CNIH2: variants seen among roughly 807,000 people sequenced by gnomAD.
The protein encoded by CNIH2 is cornichon family AMPA receptor auxiliary protein 2.
In CNIH2, 8 loss-of-function variants were observed where a neutral mutation model predicts 22.9. The ratio of observed to expected loss-of-function variants is 0.35; its 90% CI spans 0.20 to 0.63. The LOEUF is 0.63. Ranked by LOEUF, CNIH2 falls within the 30% of genes least tolerant of loss-of-function variation. The probability of loss-of-function intolerance (pLI) is 0.72; values close to 1 mark genes in which losing one functional copy is unlikely to be tolerated. For synonymous variants in CNIH2, 74 were observed against 78.2 expected, an observed-to-expected ratio of 0.95 and a Z score of 0.28; for missense variants, 105 against 206.2, an observed-to-expected ratio of 0.51 and a Z score of 3.01.
chr11:66,280,632 G>A (rs1050806888), intron 1 of CNIH2, among the ~76,000 whole-genome samples: 2 of 152,200 alleles, frequency 1.3e-5, no homozygotes, highest in Admixed American at 6.5e-5. Flanking sequence ...GGCAGCCTGG[G>A]GGGTGGGAGG....
At chr11:66,282,632 A>C in intron 2 of CNIH2, 101 bp from the exon 3 acceptor site, 14 of 1,389,826 alleles carry the variant, frequency 1.0e-5, no homozygotes, top group South Asian at 4.9e-5. Flanking sequence ...TGCCGCAGAG[A>C]TCGCTCTGGC....
intron 1 of CNIH2, among the ~76,000 whole-genome samples, chr11:66,280,643 G>C (rs1783732): frequency 0.99 from 150,223 of 152,298 alleles, 74,113 homozygotes; most frequent in Middle Eastern, 1. Flanking sequence ...GGGTGGGAGG[G>C]GTGACGCCCG....
rs1039321340 is a variant in CNIH2, at chr11:66,278,313, G to GCGGTCC, written c.-134_-129dup. ...CGCGCCCCGCGCCCCCCACGGCCCCGCGGTCCCGGTCCCGGCCGCATCACC... is the reference window on the plus strand; with the variant it reads ...CGCGCCCCGCGCCCCCCACGGCCCCGCGGTCCCGGTCCCGGTCCCGGCCGCATCACC... On this transcript the variant is annotated 5_prime_UTR_variant, in exon 1 of 6. Transcript: ENST00000311445. The GCGGTCC allele has an allele frequency of 6.0e-6, 1 of 166,596 alleles. No individual in the cohort carries two copies. The highest frequency in any genetic ancestry group is 1.2e-5 in the Non-Finnish European group (1 of 84,254). 10.3% of individuals were successfully genotyped at this position (166,596 alleles called of 1,614,324 possible).
intron 5 of CNIH2, 59 bp from the exon 6 acceptor site, chr11:66,283,511 T>G (rs1857295868): frequency 1.2e-6 from 2 of 1,607,912 alleles, no homozygotes; most frequent in Non-Finnish European, 1.7e-6. Context: ...TGTGACCAGG[T>G]GGGCATCTGG....
chr11:66,282,423 T>TGCGGGGGGGGGGGGGGG, intron 2 of CNIH2, 96 bp downstream of exon 2: 2 of 147,068 alleles, frequency 1.4e-5, no homozygotes, highest in East Asian at 1.1e-4. Context: ...GGGGGTGGGG[T>TGCGGGGGGGGGGGGGGG]GGGGGGCCTA....
Position 66,283,374 on chromosome 11 carries a change from C to T in CNIH2, c.438C>T (p.Phe146=), listed in dbSNP as rs1857292639. 1 of 1,614,052 alleles carries T rather than the reference C, an allele frequency of 6.2e-7. No individual in the cohort carries two copies. The highest frequency in any genetic ancestry group is 1.3e-5 in the African/African-American group (1 of 74,926). The change falls in exon 5 of 6, where the codon TTC becomes TTT. Residue 146 remains phenylalanine, a synonymous_variant. Transcript: ENST00000311445. ...AACTTGCCTTCTACCTGCTCTCCTT[C>T]TTCTATTACCTGTACAGGTGAGGCC... ...WCKLAFYLLS[F]FYYLYSMVYT...
chr11:66,282,400 G>GA, intron 2 of CNIH2, 73 bp downstream of exon 2: 2 of 658,470 alleles, frequency 3.0e-6, no homozygotes, highest in South Asian at 1.5e-5. Context: ...CTGGGGGTGG[G>GA]AGACGGGAAG....
In CNIH2 at chr11:66,283,120, TC is replaced by T. The variant is rs1324693124; in HGVS notation, c.289del (p.Leu97SerfsTer27). On this transcript the variant is annotated frameshift_variant, in exon 4 of 6. Transcript: ENST00000311445. LOFTEE classifies it high-confidence loss of function. ...GAGTGGGTGACCCTGGGCCTCAACA[TC>T]CCCCTCCTCTTCTACCACCTCTGGA... The part of the protein sequence containing the change: ...AAEWVTLGLN[I>X]PLLFYHLWRY... 1 of 1,613,640 alleles carries T rather than the reference TC, an allele frequency of 6.2e-7. No homozygotes were observed. Among genetic ancestry groups the T allele is most frequent in the South Asian group, 1.1e-5 (1 of 91,060 alleles).
Position 66,282,722 on chromosome 11 carries a change from T to TC in CNIH2, c.151-6dup, listed in dbSNP as rs1355351257. 6 of 1,613,448 alleles carry TC rather than the reference T, an allele frequency of 3.7e-6. No homozygotes were observed. Among genetic ancestry groups the TC allele is most frequent in the Non-Finnish European group, 4.2e-6 (5 of 1,179,944 alleles). On this transcript the variant is annotated splice_polypyrimidine_tract_variant and intron_variant, in intron 2 of 5. Transcript: ENST00000311445. ...CGCCACCCCATCGCGGCCTTTTCCT[T>TC]CCCCCAACAGCGCGAGCGTTTAAAA...
chr11:66,282,429 G>GGGGGGGGT, intron 2 of CNIH2, 102 bp downstream of exon 2: 1 of 479,464 alleles, frequency 2.1e-6, no homozygotes, highest in Non-Finnish European at 4.2e-6. Flanking sequence ...GGGGTGGGGG[G>GGGGGGGGT]CCTACGGCCA....
In CNIH2 at chr11:66,283,586, G is replaced by C. The variant is rs1395217941; in HGVS notation, c.472G>C (p.Val158Leu). ...YYLYSMVYTL[V>L]SF ...TTCCTACAGTATGGTTTATACGTTG[G>C]TGAGTTTCTAAGGGGGAAGCCGGCC... The change falls in exon 6 of 6, where the codon GTG becomes CTG. Residue 158 changes from valine to leucine, a missense_variant. Physicochemically the swap from Val to Leu is conservative, Grantham distance 32. Coordinates refer to ENST00000311445, the MANE Select transcript of CNIH2 (RefSeq NM_182553.3). 6.3e-7 allele frequency: 1 copy of C among 1,581,956 alleles called. No homozygotes were observed. The highest frequency in any genetic ancestry group is 2.3e-5 in the East Asian group (1 of 43,048).
chr11:66,278,719 T>G (rs1023476694), intron 1 of CNIH2, among the ~76,000 whole-genome samples, 182 bp downstream of exon 1: 20 of 104,650 alleles, frequency 1.9e-4, no homozygotes, highest in South Asian at 1.2e-3. Context: ...GGGGCCCCCC[T>G]TCCTCCGCCG....
chr11:66,279,983 G>C (rs1857235375), intron 1 of CNIH2, among the ~76,000 whole-genome samples: 1 of 152,210 alleles, frequency 6.6e-6, no homozygotes, highest in Admixed American at 6.5e-5. Flanking sequence ...GAGGGAGCTG[G>C]GGGCCACAGG....
intron 2 of CNIH2, 102 bp downstream of exon 2, chr11:66,282,429 G>GGGGGGGGGGGGGGGGGGGGGGGGGGC: frequency 2.1e-6 from 1 of 479,450 alleles, no homozygotes. Flanking sequence ...GGGGTGGGGG[G>GGGGGGGGGGGGGGGGGGGGGGGGGGC]CCTACGGCCA....
At position 66,283,910 on chromosome 11, in the gene CNIH2, T is replaced by G; in HGVS notation, c.*313T>G. 32 of 330,024 alleles carry G rather than the reference T, an allele frequency of 9.7e-5. No homozygotes were observed. Among genetic ancestry groups the G allele is most frequent in the East Asian group, 2.5e-4 (4 of 16,138 alleles). The allele number at this position is 330,024 out of a possible 1,614,324, so 20.4% of individuals were successfully genotyped here. On this transcript the variant is annotated 3_prime_UTR_variant, in exon 6 of 6. Coordinates refer to ENST00000311445, the MANE Select transcript of CNIH2 (RefSeq NM_182553.3). ...TCCATTTCGGGGGAAACTTGGGCCC[T>G]GCCAAGGGGCAGAGCTTGACCCTGG...
chr11:66,279,892 T>TA (rs1857233624), intron 1 of CNIH2, among the ~76,000 whole-genome samples: 1 of 152,118 alleles, frequency 6.6e-6, no homozygotes, highest in Non-Finnish European at 1.5e-5. Context: ...GCTTTGTCTT[T>TA]CCCCCTCTCC....
At position 66,282,722 on chromosome 11, in the gene CNIH2, TC is replaced by T. The variant is rs1355351257; in HGVS notation, c.151-6del. 1 of 1,613,568 alleles carries T rather than the reference TC, an allele frequency of 6.2e-7. No individual in the cohort carries two copies. The highest frequency in any genetic ancestry group is 8.5e-7 in the Non-Finnish European group (1 of 1,179,936). On this transcript the variant is annotated splice_polypyrimidine_tract_variant and intron_variant, in intron 2 of 5. Coordinates refer to ENST00000311445, the MANE Select transcript of CNIH2 (RefSeq NM_182553.3). The stretch of plus-strand genomic sequence containing the variant: ...CGCCACCCCATCGCGGCCTTTTCCT[TC>T]CCCCAACAGCGCGAGCGTTTAAAAA...
At position 66,283,941 on chromosome 11, in the gene CNIH2, C is replaced by G. The variant is rs1857305847; in HGVS notation, c.*344C>G. ...GGGGCAGAGCTTGACCCTGGAAATTCTGGGCCATCCCCCTCCACCCCCACC... is the reference window on the plus strand; with the variant it reads ...GGGGCAGAGCTTGACCCTGGAAATTGTGGGCCATCCCCCTCCACCCCCACC... On this transcript the variant is annotated 3_prime_UTR_variant, in exon 6 of 6. Transcript: ENST00000311445. 3.7e-6 allele frequency: 1 copy of G among 269,202 alleles called. No individual in the cohort carries two copies. Among genetic ancestry groups the G allele is most frequent in the Admixed American group, 4.9e-5 (1 of 20,492 alleles). The allele number at this position is 269,202 out of a possible 1,614,324, so 16.7% of individuals were successfully genotyped here. A position where few individuals can be genotyped will look rare whatever the true frequency, so the allele number is the denominator to read the frequency against.
Position 66,283,269 on chromosome 11 carries a change from T to C in CNIH2, c.333T>C (p.Asp111=). Residue 111 remains aspartate, a synonymous_variant, in exon 5 of 6, where the codon GAT becomes GAC. Coordinates refer to ENST00000311445, the MANE Select transcript of CNIH2 (RefSeq NM_182553.3). ...HLWRYFHRPA[D]GSEVMYDAVS... ...CCAGGTACTTCCACCGTCCTGCAGATGGCTCTGAGGTCATGTATGATGCGG... is the reference window on the plus strand; with the variant it reads ...CCAGGTACTTCCACCGTCCTGCAGACGGCTCTGAGGTCATGTATGATGCGG... The C allele has an allele frequency of 1.2e-6, 2 of 1,614,086 alleles. No homozygotes were observed. Among genetic ancestry groups the C allele is most frequent in the East Asian group, 4.5e-5 (2 of 44,872 alleles).
Sources: allele counts gnomAD v4.1 joint callset (sites outside exome capture counted in the v4.1 genomes callset), GRCh38; gene constraint gnomAD v4.1.1; transcripts MANE v1.5; gene names NCBI Gene and HGNC (gene_info 2026-07-23, HGNC 2026-07-21).